The following CDH18 variants were observed in gnomAD, a reference collection of about 807,000 sequenced individuals.
CDH18 encodes the protein cadherin 18, also known as cadherin-18.
Under a neutral mutation model 67.9 loss-of-function variants are expected in CDH18, and 31 were observed. The observed-to-expected ratio is 0.46, with a 90% CI of 0.34 to 0.62. CDH18 has a LOEUF of 0.62. CDH18 is among the 20% of genes least tolerant of loss of function. CDH18 has a pLI of 0.01. For synonymous variants in CDH18, 362 were observed against 347.2 expected (o/e 1.04, Z -0.48); for missense variants, 890 against 975.5 (o/e 0.91, Z 1.17).
At chr5:19,837,797 A>T (rs898402287) in intron 3 of CDH18, among the ~76,000 whole-genome samples, 1 of 112,476 alleles carries the variant, frequency 8.9e-6, no homozygotes, top group Admixed American at 9.2e-5. Flanking sequence ...AGTGAGAATA[A>T]ATCATCAATC....
chr5:19,849,435 G>A (rs1333067399), intron 2 of CDH18, among the ~76,000 whole-genome samples: 1 of 151,654 alleles, frequency 6.6e-6, no homozygotes, highest in Non-Finnish European at 1.5e-5. Context: ...TAGAAGCCTA[G>A]AGAACAATGT....
chr5:19,708,097 T>C (rs1164503185), intron 5 of CDH18, among the ~76,000 whole-genome samples: 2 of 152,210 alleles, frequency 1.3e-5, no homozygotes, highest in Admixed American at 6.5e-5. Flanking sequence ...GTGGAAACTA[T>C]TAATGGCTCT....
rs75432790 is a variant in CDH18, at chr5:20,341,999, G to C, written c.-579-86494C>G. On this transcript the variant is annotated intron_variant, in intron 1 of 14. Coordinates refer to the CDH18 transcript ENST00000507958. ...TGAAAATGATGAACTCAGTGATTCTGTCTCCTCGCTTCAGAAGCAGATTCT... is the reference window on the plus strand; with the variant it reads ...TGAAAATGATGAACTCAGTGATTCTCTCTCCTCGCTTCAGAAGCAGATTCT... 4.3e-4 allele frequency among the ~76,000 whole-genome samples: 65 copies of C among 152,264 alleles called. 2 individuals are homozygous for C. The East Asian group carries it at 0.012, about 29-fold the overall frequency.
At chr5:19,604,012 T>C (rs1561449499) in intron 6 of CDH18, among the ~76,000 whole-genome samples, 1 of 151,986 alleles carries the variant, frequency 6.6e-6, no homozygotes, top group Non-Finnish European at 1.5e-5. Context: ...ACCATAGTTT[T>C]GTATGCCACA....
chr5:20,293,546 C>T (rs1393558500), intron 1 of CDH18, among the ~76,000 whole-genome samples: 2 of 152,040 alleles, frequency 1.3e-5, no homozygotes, highest in African/African-American at 4.8e-5. Context: ...GATGATTGCA[C>T]TTTATTTGGG....
chr5:20,090,088 T>C (rs1219666408), intron 2 of CDH18, among the ~76,000 whole-genome samples: 5 of 152,054 alleles, frequency 3.3e-5, no homozygotes, highest in Admixed American at 2.0e-4. Context: ...GGTTTATAAA[T>C]AAAAGCAGAA....
chr5:20,527,789 C>T (rs967830963), intron 1 of CDH18, among the ~76,000 whole-genome samples: 12 of 152,036 alleles, frequency 7.9e-5, no homozygotes, highest in Non-Finnish European at 1.0e-4. Flanking sequence ...AAAACCATTG[C>T]CAGCCATTAC....
chr5:19,956,174 T>A (rs1796237374), intron 2 of CDH18, among the ~76,000 whole-genome samples: 1 of 152,012 alleles, frequency 6.6e-6, no homozygotes, highest in African/African-American at 2.4e-5. Flanking sequence ...TAAAAAGGTA[T>A]CATTGCAAAC....
intron 1 of CDH18, among the ~76,000 whole-genome samples, chr5:20,357,355 A>G (rs1175666628): frequency 1.3e-5 from 2 of 152,168 alleles, no homozygotes; most frequent in South Asian, 2.1e-4. Context: ...TAAATAACCA[A>G]TAAACATTGG....
At chr5:20,392,201 T>G (rs949214466) in intron 1 of CDH18, among the ~76,000 whole-genome samples, 2 of 151,954 alleles carry the variant, frequency 1.3e-5, no homozygotes, top group Non-Finnish European at 2.9e-5. Flanking sequence ...TACAACACAA[T>G]GACAGTGAGA....
intron 2 of CDH18, among the ~76,000 whole-genome samples, chr5:20,217,514 AATAG>A: frequency 6.6e-6 from 1 of 152,066 alleles, no homozygotes; most frequent in South Asian, 2.1e-4. Context: ...AAATATATAC[AATAG>A]ATAAACAAAT....
intron 1 of CDH18, among the ~76,000 whole-genome samples, chr5:20,395,964 C>T (rs1313700599): frequency 6.6e-6 from 1 of 152,170 alleles, no homozygotes; most frequent in Non-Finnish European, 1.5e-5. Flanking sequence ...CATGCCTCGC[C>T]TTATGCATCT....
chr5:19,796,258 C>A (rs542157403), intron 3 of CDH18, among the ~76,000 whole-genome samples: 1 of 151,920 alleles, frequency 6.6e-6, no homozygotes, highest in Admixed American at 6.6e-5. Context: ...TCAAACAAAT[C>A]CACAACAAGA....
chr5:20,016,206 C>T (rs752219009), intron 2 of CDH18, among the ~76,000 whole-genome samples: 19 of 151,976 alleles, frequency 1.3e-4, no homozygotes, highest in Non-Finnish European at 2.1e-4. Context: ...CAAACTAACC[C>T]AGGAACAGAG....
At chr5:20,089,376 A>C (rs2150557010) in intron 2 of CDH18, among the ~76,000 whole-genome samples, 1 of 152,174 alleles carries the variant, frequency 6.6e-6, no homozygotes, top group Admixed American at 6.5e-5. Context: ...TAAACTGCAA[A>C]ATTTTGTAAT....
chr5:19,845,961 G>A (rs763401863), intron 2 of CDH18, among the ~76,000 whole-genome samples: 10 of 151,638 alleles, frequency 6.6e-5, no homozygotes, highest in Non-Finnish European at 1.5e-4. Flanking sequence ...TATTCATTCA[G>A]CCACTATTTT....
At chr5:20,401,883 T>C (rs1214822153) in intron 1 of CDH18, among the ~76,000 whole-genome samples, 2 of 152,202 alleles carry the variant, frequency 1.3e-5, no homozygotes, top group African/African-American at 4.8e-5. Context: ...AATTATGTCA[T>C]ATTAATCCCT....
intron 5 of CDH18, among the ~76,000 whole-genome samples, chr5:19,644,782 T>C (rs1754492198): frequency 6.6e-6 from 1 of 152,098 alleles, no homozygotes; most frequent in South Asian, 2.1e-4. Context: ...CCAGGTTACA[T>C]CAAAGCAGGT....
chr5:20,443,371 A>G (rs1214273453), intron 1 of CDH18, among the ~76,000 whole-genome samples: 2 of 151,840 alleles, frequency 1.3e-5, no homozygotes, highest in Non-Finnish European at 2.9e-5. Flanking sequence ...CACATTTAAC[A>G]GTGCACAATT....
Sources: allele counts gnomAD v4.1 joint callset (sites outside exome capture counted in the v4.1 genomes callset), GRCh38; gene constraint gnomAD v4.1.1; transcripts MANE v1.5; gene names NCBI Gene and HGNC (gene_info 2026-07-23, HGNC 2026-07-21).